The following KCNH5 variants were observed in gnomAD, a reference collection of about 807,000 sequenced individuals.
KCNH5 encodes potassium voltage-gated channel subfamily H member 5, also known as voltage-gated delayed rectifier potassium channel KCNH5.
In KCNH5, 46 loss-of-function variants were observed where a neutral mutation model predicts 96.1. The observed-to-expected ratio is 0.48, with a 90% CI of 0.38 to 0.61. The LOEUF (loss-of-function observed/expected upper bound fraction) is 0.61. Ranked by LOEUF, KCNH5 falls within the 20% of genes least tolerant of loss-of-function variation. The probability of loss-of-function intolerance (pLI) is 0.00; values close to 1 mark genes in which losing one functional copy is unlikely to be tolerated. For missense variants in KCNH5, 907 were observed against 1,225.8 expected, an observed-to-expected ratio of 0.74 and a Z score of 3.88; for synonymous variants, 439 against 449.8, an observed-to-expected ratio of 0.98 and a Z score of 0.30.
chr14:62,867,904 C>T (rs932055606), intron 7 of KCNH5, among the ~76,000 whole-genome samples: 6 of 152,168 alleles, frequency 3.9e-5, no homozygotes, highest in Admixed American at 1.3e-4. Flanking sequence ...AAAACAGAAA[C>T]CCCCTTATGC....
chr14:62,799,373 T>A (rs1043469599), intron 9 of KCNH5, among the ~76,000 whole-genome samples: 2 of 151,636 alleles, frequency 1.3e-5, no homozygotes, highest in African/African-American at 4.8e-5. Context: ...GGTCAGGAGT[T>A]CGAGACCAGC....
intron 6 of KCNH5, 146 bp downstream of exon 6, chr14:62,980,726 C>G: frequency 1.3e-6 from 1 of 757,272 alleles, no homozygotes; most frequent in South Asian, 2.0e-5. Context: ...TTAAGGTAAT[C>G]AAATATAATA....
In KCNH5 at chr14:62,974,418, G is replaced by A. The variant is rs992949663; in HGVS notation, c.942+6454C>T. On this transcript the variant is annotated intron_variant, in intron 6 of 10. Transcript: ENST00000322893. ...GTATTCAAATGCATACTACAAAGAAGCTCAATCCTATTCTTTGGATTCTTA... is the reference window on the plus strand; with the variant it reads ...GTATTCAAATGCATACTACAAAGAAACTCAATCCTATTCTTTGGATTCTTA... 2.4e-4 allele frequency among the ~76,000 whole-genome samples: 37 copies of A among 152,096 alleles called. 2 individuals carry two copies. The highest frequency in any genetic ancestry group is 1.3e-4 in the Non-Finnish European group (9 of 68,008).
intron 7 of KCNH5, among the ~76,000 whole-genome samples, chr14:62,853,675 A>C (rs1478954986): frequency 6.6e-6 from 1 of 151,148 alleles, no homozygotes; most frequent in Non-Finnish European, 1.5e-5. Flanking sequence ...CATGATCCTC[A>C]CTTGGTCTGT....
rs964223584 is a variant in KCNH5, at chr14:62,865,264, G to A, written c.1370-15412C>T. ...GTATTCCCTGCCACTGTGTTCCGTG[G>A]GTCTTAAAGCAGAATTTTTTTAATT... On this transcript the variant is annotated intron_variant, in intron 7 of 10. Transcript: ENST00000322893. 6.6e-5 allele frequency among the ~76,000 whole-genome samples: 10 copies of A among 151,634 alleles called. No homozygotes were observed. The East Asian group carries it at 1.7e-3, about 26-fold the overall frequency.
Position 62,822,224 on chromosome 14 carries a change from C to T in KCNH5, c.1570-19643G>A, listed in dbSNP as rs912716214. Among the ~76,000 whole-genome samples, 4 of 152,188 alleles carry T rather than the reference C, an allele frequency of 2.6e-5. No homozygotes were observed. The South Asian group carries it at 6.2e-4, about 24-fold the overall frequency. On this transcript the variant is annotated intron_variant, in intron 8 of 10. Transcript: ENST00000322893. ...TAAATTAACCTTTACATTTATGCAA[C>T]TCTTATAAAAATCCCAGAAAATTTT... is the stretch of plus-strand genomic sequence containing the variant.
intron 9 of KCNH5, among the ~76,000 whole-genome samples, chr14:62,782,227 ATTCTTTG>A (rs1886234331): frequency 6.6e-6 from 1 of 152,190 alleles, no homozygotes; most frequent in Admixed American, 6.5e-5. Flanking sequence ...GAGATTACAC[ATTCTTTG>A]CTCACTTAGG....
intron 8 of KCNH5, among the ~76,000 whole-genome samples, chr14:62,822,490 C>T (rs536398052): frequency 1.3e-5 from 2 of 152,098 alleles, no homozygotes; most frequent in Admixed American, 1.3e-4. Context: ...TAAGTTTTTA[C>T]CAAGGAGCAA....
intron 7 of KCNH5, among the ~76,000 whole-genome samples, chr14:62,850,821 C>A (rs1887789205): frequency 6.6e-6 from 1 of 152,158 alleles, no homozygotes; most frequent in South Asian, 2.1e-4. Context: ...GGGGGCAGTA[C>A]TTTATTCACC....
intron 7 of KCNH5, among the ~76,000 whole-genome samples, chr14:62,919,790 T>C (rs1255582652): frequency 6.6e-6 from 1 of 152,090 alleles, no homozygotes; most frequent in Admixed American, 6.6e-5. Context: ...CTAAGGACAC[T>C]GTGAGAGGAC....
chr14:62,749,435 T>G (rs1480956461), intron 10 of KCNH5, among the ~76,000 whole-genome samples: 1 of 152,188 alleles, frequency 6.6e-6, no homozygotes, highest in South Asian at 2.1e-4. Flanking sequence ...TAGGGTCACC[T>G]CCATTTTGAG....
intron 6 of KCNH5, among the ~76,000 whole-genome samples, chr14:62,965,783 T>C (rs776978503): frequency 5.1e-4 from 78 of 152,176 alleles, no homozygotes; most frequent in Non-Finnish European, 9.6e-4. Context: ...CTTCTGTACA[T>C]GGATACTGTG....
chr14:63,027,974 C>A (rs1891556563), intron 1 of KCNH5, among the ~76,000 whole-genome samples: 1 of 152,032 alleles, frequency 6.6e-6, no homozygotes, highest in Non-Finnish European at 1.5e-5. Context: ...ATGAGAGGTA[C>A]TCTACAATTT....
chr14:63,016,954 T>C lies in KCNH5; in HGVS notation c.74A>G (p.Glu25Gly). The stretch of plus-strand genomic sequence containing the variant: ...GGCATTTCCCAGTAAGAAACTTGAT[T>C]CTGAAGAAGAAAGGAGAAAAAAGGA... ...FLENIVRRSSESSFLLGNAQI... is the reference protein window; with the variant it reads ...FLENIVRRSSGSSFLLGNAQI... Residue 25 changes from glutamate to glycine, a missense_variant and splice_region_variant, in exon 2 of 11, where the codon GAA (glutamate) becomes GGA (glycine). Physicochemically the swap from Glu to Gly is moderately conservative, Grantham distance 98. Transcript: ENST00000322893. 6.2e-7 allele frequency: 1 copy of C among 1,600,820 alleles called. No individual in the cohort carries two copies. Among genetic ancestry groups the C allele is most frequent in the Non-Finnish European group, 8.5e-7 (1 of 1,175,356 alleles).
chr14:62,799,806 A>C (rs972691016), intron 9 of KCNH5, among the ~76,000 whole-genome samples: 1 of 135,384 alleles, frequency 7.4e-6, no homozygotes, highest in Non-Finnish European at 1.6e-5. Flanking sequence ...TTATATATTT[A>C]ATATTTAATA....
intron 8 of KCNH5, among the ~76,000 whole-genome samples, chr14:62,814,299 GGGCCAC>G (rs1209898831): frequency 1.3e-5 from 2 of 152,070 alleles, no homozygotes; most frequent in Non-Finnish European, 2.9e-5. Context: ...CAAATGTCTT[GGGCCAC>G]TGGCTTTCCA....
intron 8 of KCNH5, among the ~76,000 whole-genome samples, chr14:62,805,716 T>G (rs1886752770): frequency 6.6e-6 from 1 of 152,270 alleles, no homozygotes; most frequent in South Asian, 2.1e-4. Context: ...TAATGAGGAT[T>G]TCATAGTTAC....
intron 7 of KCNH5, among the ~76,000 whole-genome samples, chr14:62,903,887 TTTA>T (rs1391465271): frequency 1.3e-5 from 2 of 151,854 alleles, no homozygotes; most frequent in South Asian, 2.1e-4. Flanking sequence ...ATATTATAAT[TTTA>T]TTATATTATA....
chr14:62,978,586 C>CAAAAA (rs529221170), intron 6 of KCNH5, among the ~76,000 whole-genome samples: 1 of 80,690 alleles, frequency 1.2e-5, no homozygotes, highest in African/African-American at 4.7e-5. Flanking sequence ...GACTCCGTCT[C>CAAAAA]AAAAAAAAAA....
Sources: gnomAD v4.1 joint callset for allele counts (sites outside exome capture counted in the v4.1 genomes callset) on GRCh38, gnomAD v4.1.1 for gene constraint, MANE v1.5 for transcripts, NCBI Gene and HGNC (gene_info 2026-07-23, HGNC 2026-07-21) for gene names.